PRKCE: variants seen among roughly 807,000 people sequenced by gnomAD.
The protein encoded by PRKCE is protein kinase C epsilon type.
PRKCE carries 16 observed loss-of-function variants against 85.4 expected under a neutral mutation model. The ratio of observed to expected loss-of-function variants is 0.19; its 90% CI spans 0.13 to 0.28. The LOEUF is 0.28. Ranked by LOEUF, PRKCE falls within the 10% of genes least tolerant of loss-of-function variation. PRKCE has a pLI of 1.00. For synonymous variants in PRKCE, 388 were observed against 371.5 expected (o/e 1.04, Z -0.51); for missense variants, 573 against 975.2 (o/e 0.59, Z 5.49).
chr2:46,163,805 A>G (rs1377108114), intron 14 of PRKCE, among the ~76,000 whole-genome samples: 2 of 148,254 alleles, frequency 1.3e-5, no homozygotes, highest in Non-Finnish European at 3.0e-5. Flanking sequence ...ACTGAGAGAC[A>G]TGGGGAAGCT....
At chr2:46,086,396 G>T in intron 11 of PRKCE, 34 bp downstream of exon 11, 2 of 1,586,118 alleles carry the variant, frequency 1.3e-6, no homozygotes, top group Admixed American at 3.4e-5. Context: ...TCCTGAAAGT[G>T]AAGAAAATAA....
chr2:45,680,493 G>T (rs1676802873), intron 1 of PRKCE, among the ~76,000 whole-genome samples: 1 of 152,144 alleles, frequency 6.6e-6, no homozygotes, highest in African/African-American at 2.4e-5. Context: ...TTAGTTTTAT[G>T]GTGCCCAGGG....
chr2:45,930,584 G>C (rs780341232), intron 2 of PRKCE, among the ~76,000 whole-genome samples: 7 of 152,236 alleles, frequency 4.6e-5, no homozygotes, highest in Non-Finnish European at 8.8e-5. Flanking sequence ...CCTGTCCTTT[G>C]TCTGTGGAGG....
intron 2 of PRKCE, among the ~76,000 whole-genome samples, chr2:45,940,533 G>A (rs977581755): frequency 6.6e-6 from 1 of 152,174 alleles, no homozygotes; most frequent in Non-Finnish European, 1.5e-5. Context: ...TCAAAGAAAT[G>A]GAAGAAGCAG....
At chr2:46,183,352 T>G (rs1391914800) in intron 14 of PRKCE, among the ~76,000 whole-genome samples, 1 of 152,222 alleles carries the variant, frequency 6.6e-6, no homozygotes, top group African/African-American at 2.4e-5. Context: ...GACTACTTAT[T>G]AACTTCTTTA....
At chr2:45,886,245 C>T (rs1015956201) in intron 2 of PRKCE, among the ~76,000 whole-genome samples, 2 of 152,214 alleles carry the variant, frequency 1.3e-5, no homozygotes, top group African/African-American at 4.8e-5. Flanking sequence ...AGGTGACTCT[C>T]ATTTCCTCTC....
chr2:46,083,418 A>G (rs1046081501), intron 10 of PRKCE, among the ~76,000 whole-genome samples: 12 of 152,204 alleles, frequency 7.9e-5, no homozygotes, highest in African/African-American at 2.7e-4. Context: ...AAAAGCATCC[A>G]GGGAGGATGA....
At chr2:45,998,426 C>G (rs1704391375) in intron 6 of PRKCE, among the ~76,000 whole-genome samples, 1 of 152,202 alleles carries the variant, frequency 6.6e-6, no homozygotes, top group South Asian at 2.1e-4. Context: ...TCCCTAATAA[C>G]TTTCCTTGCT....
chr2:46,140,750 T>G (rs962960435), intron 11 of PRKCE, among the ~76,000 whole-genome samples: 1 of 152,156 alleles, frequency 6.6e-6, no homozygotes, highest in Non-Finnish European at 1.5e-5. Context: ...AAAACTGGGA[T>G]AAGTATTTGC....
intron 11 of PRKCE, among the ~76,000 whole-genome samples, chr2:46,087,380 A>G (rs891339470): frequency 6.6e-6 from 1 of 152,156 alleles, no homozygotes; most frequent in Non-Finnish European, 1.5e-5. Flanking sequence ...TAGGTTGAAC[A>G]ATCCTCCTCT....
chr2:45,935,801 C>T (rs114648705), intron 2 of PRKCE, among the ~76,000 whole-genome samples: 6 of 140,674 alleles, frequency 4.3e-5, no homozygotes, highest in Non-Finnish European at 9.6e-5. Context: ...AAAAAAAAAT[C>T]GCAGCTTAGC....
At chr2:45,843,219 T>C (rs1002683800) in intron 2 of PRKCE, among the ~76,000 whole-genome samples, 156 bp downstream of exon 2, 3 of 152,274 alleles carry the variant, frequency 2.0e-5, no homozygotes, top group Non-Finnish European at 4.4e-5. Context: ...CTTACGCCTG[T>C]GTACCAAAAG....
intron 13 of PRKCE, among the ~76,000 whole-genome samples, chr2:46,152,702 C>A (rs933743602): frequency 1.3e-5 from 2 of 151,352 alleles, no homozygotes; most frequent in Admixed American, 1.3e-4. Flanking sequence ...GCGCCCACCA[C>A]CATGCTCAGC....
At chr2:45,978,921 T>G (rs1320268327) in intron 3 of PRKCE, 55 bp from the exon 4 acceptor site, 1 of 1,563,106 alleles carries the variant, frequency 6.4e-7, no homozygotes, top group African/African-American at 1.4e-5. Flanking sequence ...TTCTGTTTGT[T>G]TTTTGACCTG....
At chr2:45,874,176 CA>C (rs766966999) in intron 2 of PRKCE, among the ~76,000 whole-genome samples, 13 of 152,344 alleles carry the variant, frequency 8.5e-5, no homozygotes, top group Non-Finnish European at 1.5e-4. Flanking sequence ...AGACTTACCC[CA>C]AACTTCCATC....
At chr2:45,862,365 C>T (rs924312592) in intron 2 of PRKCE, among the ~76,000 whole-genome samples, 19 of 152,194 alleles carry the variant, frequency 1.2e-4, no homozygotes, top group Non-Finnish European at 2.1e-4. Context: ...TCCTGGATCC[C>T]TCTCCAGTGG....
chr2:45,826,499 T>C (rs958135497), intron 1 of PRKCE, among the ~76,000 whole-genome samples: 1 of 152,218 alleles, frequency 6.6e-6, no homozygotes, highest in East Asian at 1.9e-4. Context: ...AATAAAACTT[T>C]TAGTTTTTAG....
intron 1 of PRKCE, among the ~76,000 whole-genome samples, chr2:45,666,005 T>C (rs1675894075): frequency 6.6e-6 from 1 of 152,120 alleles, no homozygotes; most frequent in South Asian, 2.1e-4. Flanking sequence ...TCTAGAGTCA[T>C]GGAGAAGGCC....
intron 1 of PRKCE, among the ~76,000 whole-genome samples, chr2:45,810,256 G>C (rs973845835): frequency 6.6e-6 from 1 of 152,014 alleles, no homozygotes; most frequent in Non-Finnish European, 1.5e-5. Flanking sequence ...GGCCAGGCTG[G>C]TCTTGAACTC....
Sources: gnomAD v4.1 joint callset for allele counts (sites outside exome capture counted in the v4.1 genomes callset) on GRCh38, gnomAD v4.1.1 for gene constraint, MANE v1.5 for transcripts, NCBI Gene and HGNC (gene_info 2026-07-23, HGNC 2026-07-21) for gene names.